The following RAP1GAP2 variants were observed in gnomAD, a reference collection of about 807,000 sequenced individuals.
The protein encoded by RAP1GAP2 is RAP1 GTPase activating protein 2, also known as rap1 GTPase-activating protein 2.
In RAP1GAP2, 27 loss-of-function variants were observed where a neutral mutation model predicts 95.0. That is an observed-to-expected ratio of 0.28 (90% CI 0.21 to 0.39). The LOEUF (loss-of-function observed/expected upper bound fraction) is 0.39, where lower values mean the gene tolerates loss of function less well. Ranked by LOEUF, RAP1GAP2 falls within the 10% of genes least tolerant of loss-of-function variation. The pLI is 1.00. For synonymous variants in RAP1GAP2, 373 were observed against 380.9 expected, an observed-to-expected ratio of 0.98 and a Z score of 0.24; for missense variants, 771 against 970.0, an observed-to-expected ratio of 0.79 and a Z score of 2.72.
chr17:2,772,822 A>G (rs1243973187), upstream of RAP1GAP2, among the ~76,000 whole-genome samples: 1 of 150,674 alleles, frequency 6.6e-6, no homozygotes, highest in East Asian at 2.0e-4. Context: ...GTGGGGGAAA[A>G]GGGGCGTAAT....
intron 3 of RAP1GAP2, among the ~76,000 whole-genome samples, chr17:2,947,741 C>T (rs551690228): frequency 2.6e-5 from 4 of 151,952 alleles, no homozygotes; most frequent in Admixed American, 6.6e-5. Flanking sequence ...GTGGCGTGCT[C>T]GGTGGTCAGA....
chr17:2,988,784 G>A (rs2045644492), intron 11 of RAP1GAP2, among the ~76,000 whole-genome samples: 3 of 152,210 alleles, frequency 2.0e-5, no homozygotes, highest in African/African-American at 4.8e-5. Flanking sequence ...ACTGCCGGCC[G>A]GGCGCAGTGG....
At chr17:2,962,543 G>A in intron 4 of RAP1GAP2, 127 bp from the exon 5 acceptor site, 1 of 1,029,782 alleles carries the variant, frequency 9.7e-7, no homozygotes. Flanking sequence ...GATGTGTGCA[G>A]GCCCAGCACG....
At chr17:2,821,373 CTTTTT>C (rs10566772) in intron 2 of RAP1GAP2, among the ~76,000 whole-genome samples, 1 of 118,542 alleles carries the variant, frequency 8.4e-6, no homozygotes, top group African/African-American at 3.4e-5. Context: ...TTCTTTACAC[CTTTTT>C]TTTTTTTTTT....
At chr17:2,905,149 C>T (rs1272037313) in intron 2 of RAP1GAP2, 135 bp from the exon 3 acceptor site, 33 of 699,828 alleles carry the variant, frequency 4.7e-5, no homozygotes, top group Non-Finnish European at 7.6e-5. Flanking sequence ...TCCCAAAGTG[C>T]TGGGATTACT....
chr17:2,944,161 C>CAAAAAAAAAAA (rs36063732), intron 3 of RAP1GAP2, among the ~76,000 whole-genome samples: 1 of 81,804 alleles, frequency 1.2e-5, no homozygotes, highest in African/African-American at 4.3e-5. Flanking sequence ...ACAGCAAAAC[C>CAAAAAAAAAAA]AAAAAAAAAA....
Position 3,026,392 on chromosome 17 carries a change from C to T in RAP1GAP2, c.1908C>T (p.Arg636=), listed in dbSNP as rs1282518680. 2 of 1,552,320 alleles carry T rather than the reference C, an allele frequency of 1.3e-6. No homozygotes were observed. Among genetic ancestry groups the T allele is most frequent in the Non-Finnish European group, 1.7e-6 (2 of 1,147,484 alleles). The change falls in exon 21 of 25, where the codon CGC becomes CGT. Residue 636 remains arginine, a synonymous_variant. Transcript: ENST00000254695. Reference sequence around the variant, plus strand: ...AGGAAAACGGCCGTGCCATCTCCCGCTCCTCCTCCAGCACCAGCAGCGTCA... The same window carrying T: ...AGGAAAACGGCCGTGCCATCTCCCGTTCCTCCTCCAGCACCAGCAGCGTCA... ...KLKENGRAIS[R]SSSSTSSVSS...
At chr17:3,025,493 G>A (rs1411898582) in intron 19 of RAP1GAP2, among the ~76,000 whole-genome samples, 2 of 152,216 alleles carry the variant, frequency 1.3e-5, no homozygotes, top group East Asian at 1.9e-4. Flanking sequence ...TTGGCTGAGA[G>A]TACCCCTTGC....
intron 13 of RAP1GAP2, among the ~76,000 whole-genome samples, chr17:2,997,266 C>G (rs1410662356): frequency 1.3e-5 from 2 of 152,178 alleles, no homozygotes; most frequent in African/African-American, 4.8e-5. Flanking sequence ...CCTCATCACT[C>G]TCATTCACAC....
At chr17:2,876,808 A>G (rs2073114752) in intron 2 of RAP1GAP2, among the ~76,000 whole-genome samples, 1 of 151,948 alleles carries the variant, frequency 6.6e-6, no homozygotes, top group Non-Finnish European at 1.5e-5. Context: ...TTTTCTGGCT[A>G]ACTTTGGAAT....
At chr17:3,002,443 C>T (rs1477751742) in intron 14 of RAP1GAP2, among the ~76,000 whole-genome samples, 4 of 152,180 alleles carry the variant, frequency 2.6e-5, no homozygotes, top group African/African-American at 9.7e-5. Context: ...GGGGACCAGC[C>T]TTCCAAGGCA....
chr17:2,833,906 C>A (rs1047860688), intron 2 of RAP1GAP2, among the ~76,000 whole-genome samples: 3 of 152,056 alleles, frequency 2.0e-5, no homozygotes, highest in Non-Finnish European at 4.4e-5. Flanking sequence ...TTGGGTGAAG[C>A]ATCCTGTCTC....
intron 17 of RAP1GAP2, among the ~76,000 whole-genome samples, chr17:3,014,257 G>A (rs997845456): frequency 1.3e-5 from 2 of 152,202 alleles, no homozygotes; most frequent in Non-Finnish European, 2.9e-5. Flanking sequence ...TAGAGCCTGT[G>A]GCTGCCAGGT....
intron 18 of RAP1GAP2, among the ~76,000 whole-genome samples, chr17:3,018,726 C>G (rs2046860401): frequency 6.6e-6 from 1 of 152,138 alleles, no homozygotes; most frequent in Non-Finnish European, 1.5e-5. Context: ...AGGAGGCCCG[C>G]TGGGGCTCAG....
At chr17:2,763,698 A>C (rs2068226095) in intron 1 of RAP1GAP2, among the ~76,000 whole-genome samples, 1 of 151,850 alleles carries the variant, frequency 6.6e-6, no homozygotes, top group African/African-American at 2.4e-5. Context: ...TCTGTCTCAA[A>C]ACAAAAAAAG....
chr17:2,810,455 C>T (rs868188022), intron 2 of RAP1GAP2, among the ~76,000 whole-genome samples: 1 of 150,622 alleles, frequency 6.6e-6, no homozygotes, highest in Non-Finnish European at 1.5e-5. Context: ...TGGTGTGCTG[C>T]ACCCATTAAC....
At chr17:3,002,056 G>A (rs987006140) in intron 14 of RAP1GAP2, among the ~76,000 whole-genome samples, 3 of 150,372 alleles carry the variant, frequency 2.0e-5, no homozygotes, top group African/African-American at 7.4e-5. Context: ...TCTGCCTCCC[G>A]GGTTCAAGCA....
In RAP1GAP2 at chr17:2,996,126, C is replaced by T. The variant is rs192360912; in HGVS notation, c.1044+660C>T. On this transcript the variant is annotated intron_variant, in intron 13 of 24. Transcript: ENST00000254695. ...CCCAGTGACGGAAGGCTGGTTATTG[C>T]GTGAGAATCCTTCCCCACCCCCAGC... 3.4e-4 allele frequency among the ~76,000 whole-genome samples: 51 copies of T among 152,198 alleles called. 1 individual carries two copies. The highest frequency in any genetic ancestry group is 2.8e-3 in the Admixed American group (43 of 15,294).
At chr17:2,973,898 G>T (rs929949651) in intron 8 of RAP1GAP2, among the ~76,000 whole-genome samples, 26 of 152,034 alleles carry the variant, frequency 1.7e-4, no homozygotes, top group Middle Eastern at 3.2e-3. Context: ...AGAAATAAAA[G>T]ATTTTAAAAA....
Sources: gnomAD v4.1 joint callset for allele counts (sites outside exome capture counted in the v4.1 genomes callset) on GRCh38, gnomAD v4.1.1 for gene constraint, MANE v1.5 for transcripts, NCBI Gene and HGNC (gene_info 2026-07-23, HGNC 2026-07-21) for gene names.